The following MAML3 variants were observed in gnomAD, a reference collection of about 807,000 sequenced individuals.
MAML3 encodes mastermind-like protein 3.
Under a neutral mutation model 101.9 loss-of-function variants are expected in MAML3, and 27 were observed. That is an observed-to-expected ratio of 0.27 (90% CI 0.20 to 0.37). The LOEUF is 0.37. MAML3 is among the 10% of genes least tolerant of loss of function. MAML3 has a pLI of 1.00. For missense variants in MAML3, 1,316 were observed against 1,444.9 expected, an observed-to-expected ratio of 0.91 and a Z score of 1.45; for synonymous variants, 501 against 555.9, an observed-to-expected ratio of 0.90 and a Z score of 1.39.
intron 1 of MAML3, among the ~76,000 whole-genome samples, chr4:140,106,684 C>T (rs374980330): frequency 2.6e-4 from 39 of 152,244 alleles, no homozygotes; most frequent in African/African-American, 8.4e-4. Flanking sequence ...TAATGTTTAC[C>T]TTTTTTCTTA....
At chr4:139,975,238 C>T (rs1181780485) in intron 1 of MAML3, among the ~76,000 whole-genome samples, 1 of 152,156 alleles carries the variant, frequency 6.6e-6, no homozygotes, top group East Asian at 1.9e-4. Context: ...TCCTCAGAGT[C>T]TTCCTCATAT....
At chr4:139,817,046 G>A (rs150131995) in intron 2 of MAML3, among the ~76,000 whole-genome samples, 191 of 152,060 alleles carry the variant, frequency 1.3e-3, no homozygotes, top group African/African-American at 4.3e-3. Flanking sequence ...GGTGCTAGGC[G>A]ACCCTTCTGA....
chr4:139,743,273 T>C (rs1729220843), intron 2 of MAML3, among the ~76,000 whole-genome samples: 5 of 152,204 alleles, frequency 3.3e-5, no homozygotes, highest in Admixed American at 3.3e-4. Flanking sequence ...GGCAGGGTGA[T>C]TAATGCTGGA....
At chr4:140,034,619 G>A (rs1396059632) in intron 1 of MAML3, among the ~76,000 whole-genome samples, 1 of 152,176 alleles carries the variant, frequency 6.6e-6, no homozygotes, top group Non-Finnish European at 1.5e-5. Context: ...GTGGTTAAGA[G>A]CACTGAGATC....
chr4:139,837,067 A>G (rs1025457333), intron 2 of MAML3, among the ~76,000 whole-genome samples: 2 of 148,946 alleles, frequency 1.3e-5, no homozygotes, highest in Non-Finnish European at 3.0e-5. Flanking sequence ...TGTTGCTGTG[A>G]GCTGAGATCA....
intron 1 of MAML3, among the ~76,000 whole-genome samples, chr4:139,899,318 GC>G (rs1176600125): frequency 2.6e-5 from 4 of 152,098 alleles, no homozygotes; most frequent in Non-Finnish European, 4.4e-5. Context: ...TCTAGATGGG[GC>G]TTTTTGAAAC....
intron 2 of MAML3, among the ~76,000 whole-genome samples, chr4:139,810,401 G>C (rs1057230711): frequency 6.6e-6 from 1 of 151,930 alleles, no homozygotes; most frequent in African/African-American, 2.4e-5. Context: ...TGTTGCCCAG[G>C]CTGATCTCAA....
chr4:139,836,099 G>C (rs1337371940), intron 2 of MAML3, among the ~76,000 whole-genome samples: 1 of 152,138 alleles, frequency 6.6e-6, no homozygotes, highest in Non-Finnish European at 1.5e-5. Context: ...TGGCCCTCTA[G>C]GGCTGAAATG....
rs370929059 is a variant in MAML3 at position 139,902,271 on chromosome 4, A to G, written c.469-11304T>C. ...CGCACACGCACACACACGCACACAC[A>G]CACGCACACACACACACACGTCTCA... On this transcript the variant is annotated intron_variant, in intron 1 of 4. Coordinates refer to ENST00000509479, the MANE Select transcript of MAML3 (RefSeq NM_018717.5). Among the ~76,000 whole-genome samples, 33 of 134,094 alleles carry G rather than the reference A, an allele frequency of 2.5e-4. 1 individual carries two copies. The highest frequency in any genetic ancestry group is 6.8e-4 in the African/African-American group (26 of 38,452). 88.0% of individuals were successfully genotyped at this position (134,094 alleles called of 152,430 possible). A position where few individuals can be genotyped will look rare whatever the true frequency, so the allele number is the denominator to read the frequency against.
At chr4:139,954,744 T>C (rs952339104) in intron 1 of MAML3, among the ~76,000 whole-genome samples, 16 of 152,198 alleles carry the variant, frequency 1.1e-4, no homozygotes, top group African/African-American at 3.6e-4. Context: ...GGTCTCAAAC[T>C]ACTAGGCTCG....
intron 2 of MAML3, among the ~76,000 whole-genome samples, chr4:139,770,521 G>A (rs1173941974): frequency 6.6e-6 from 1 of 152,186 alleles, no homozygotes; most frequent in South Asian, 2.1e-4. Flanking sequence ...TTGGTGGATA[G>A]GGAGGAGGAG....
At chr4:139,988,434 G>A (rs145180939) in intron 1 of MAML3, among the ~76,000 whole-genome samples, 226 of 151,810 alleles carry the variant, frequency 1.5e-3, no homozygotes, top group African/African-American at 5.1e-3. Context: ...TGGGGGAAAC[G>A]CCTTAGAAGA....
At chr4:139,931,659 G>A (rs1039813038) in intron 1 of MAML3, among the ~76,000 whole-genome samples, 11 of 151,928 alleles carry the variant, frequency 7.2e-5, no homozygotes, top group African/African-American at 2.4e-4. Flanking sequence ...CAATCCTCCT[G>A]TGCAGTCTCC....
chr4:139,823,837 C>G (rs1176236786), intron 2 of MAML3, among the ~76,000 whole-genome samples: 3 of 151,388 alleles, frequency 2.0e-5, no homozygotes, highest in Non-Finnish European at 2.9e-5. Flanking sequence ...AGCAGGCACT[C>G]TATAAATATT....
Position 139,885,932 on chromosome 4 carries a change from C to CAAAAAAAAAAAAAAAAAAAAAAAAAAAAA in MAML3, c.2079+3424_2079+3425insTTTTTTTTTTTTTTTTTTTTTTTTTTTTT, listed in dbSNP as rs1182443191. Among the ~76,000 whole-genome samples, 2 of 20,312 alleles carry CAAAAAAAAAAAAAAAAAAAAAAAAAAAAA rather than the reference C, an allele frequency of 9.8e-5. 1 individual carries two copies. The highest frequency in any genetic ancestry group is 1.9e-4 in the Non-Finnish European group (2 of 10,426). 13.3% of individuals were successfully genotyped at this position (20,312 alleles called of 152,430 possible). On this transcript the variant is annotated intron_variant, in intron 2 of 4. Coordinates refer to ENST00000509479, the MANE Select transcript of MAML3 (RefSeq NM_018717.5). Reference sequence around the variant, plus strand: ...TGGGCGACAGGGCAAGACTCCGTCTCAAAAAAAAAAAAAAAAAAAAAAAAA... The same window carrying CAAAAAAAAAAAAAAAAAAAAAAAAAAAAA: ...TGGGCGACAGGGCAAGACTCCGTCTCAAAAAAAAAAAAAAAAAAAAAAAAAAAAAAAAAAAAAAAAAAAAAAAAAAAAAA...
chr4:139,733,610 A>G (rs7692265), intron 2 of MAML3, among the ~76,000 whole-genome samples: 9,341 of 151,772 alleles, frequency 0.062, 473 homozygotes, highest in Admixed American at 0.14. Context: ...TATTTCCCCA[A>G]ATAATTCCCT....
At chr4:139,795,228 C>T (rs889211957) in intron 2 of MAML3, among the ~76,000 whole-genome samples, 13 of 152,166 alleles carry the variant, frequency 8.5e-5, no homozygotes, top group African/African-American at 2.9e-4. Flanking sequence ...CGACAATAAC[C>T]TAACATAATG....
chr4:139,996,686 C>CATGTGTGTGTGTGT (rs59834103), intron 1 of MAML3, among the ~76,000 whole-genome samples: 3 of 150,906 alleles, frequency 2.0e-5, no homozygotes, highest in African/African-American at 7.3e-5. Context: ...ATAGTTGTAT[C>CATGTGTGTGTGTGT]GTGTGTGTGT....
intron 1 of MAML3, among the ~76,000 whole-genome samples, chr4:140,149,939 C>CTTTT (rs3051828): frequency 0.042 from 5,458 of 129,748 alleles, 172 homozygotes; most frequent in Non-Finnish European, 0.054. Context: ...ATGTTTCTTT[C>CTTTT]TTTTTTTTTT....
Sources: allele counts gnomAD v4.1 joint callset (sites outside exome capture counted in the v4.1 genomes callset), GRCh38; gene constraint gnomAD v4.1.1; transcripts MANE v1.5; gene names NCBI Gene and HGNC (gene_info 2026-07-23, HGNC 2026-07-21).